The following STXBP6 variants were observed in gnomAD, a reference collection of about 807,000 sequenced individuals.
STXBP6 encodes the protein syntaxin-binding protein 6.
A neutral mutation model predicts 26.9 loss-of-function variants in STXBP6; 21 were observed. That is an observed-to-expected ratio of 0.78 (90% CI 0.55 to 1.12). STXBP6 has a LOEUF of 1.12. Ranked by LOEUF, STXBP6 falls within the 50% of genes most tolerant of loss-of-function variation. The probability of loss-of-function intolerance (pLI) is 0.00; values close to 1 mark genes in which losing one functional copy is unlikely to be tolerated. For synonymous variants in STXBP6, 97 were observed against 92.6 expected, an observed-to-expected ratio of 1.05 and a Z score of -0.27; for missense variants, 232 against 257.9, an observed-to-expected ratio of 0.90 and a Z score of 0.69.
intron 1 of STXBP6, among the ~76,000 whole-genome samples, chr14:24,996,780 G>A (rs1039467985): frequency 2.0e-5 from 3 of 149,546 alleles, no homozygotes; most frequent in Admixed American, 6.7e-5. Flanking sequence ...GCTTGAACCC[G>A]GGAGACAGAG....
At chr14:25,032,896 G>T (rs1027316612) in intron 1 of STXBP6, among the ~76,000 whole-genome samples, 1 of 152,146 alleles carries the variant, frequency 6.6e-6, no homozygotes, top group Non-Finnish European at 1.5e-5. Flanking sequence ...AAAATTGCAG[G>T]CACATCTCTA....
At chr14:24,878,140 G>T (rs2070215840) in intron 2 of STXBP6, among the ~76,000 whole-genome samples, 1 of 152,022 alleles carries the variant, frequency 6.6e-6, no homozygotes, top group African/African-American at 2.4e-5. Flanking sequence ...TGTGATTTGA[G>T]TATTCTCCCA....
intron 1 of STXBP6, among the ~76,000 whole-genome samples, chr14:24,997,681 G>A (rs1367177194): frequency 6.6e-6 from 1 of 152,124 alleles, no homozygotes; most frequent in African/African-American, 2.4e-5. Flanking sequence ...ATACAAAAAT[G>A]CACAAAGTAG....
chr14:24,887,200 T>C (rs995046998), intron 2 of STXBP6, among the ~76,000 whole-genome samples: 2 of 152,222 alleles, frequency 1.3e-5, no homozygotes, highest in African/African-American at 4.8e-5. Context: ...TTTATTTCAT[T>C]ATGACTTTTA....
At chr14:24,897,409 CAAAAAAA>C (rs34542483) in intron 2 of STXBP6, among the ~76,000 whole-genome samples, 6 of 37,634 alleles carry the variant, frequency 1.6e-4, no homozygotes, top group East Asian at 8.8e-4. Flanking sequence ...GACTCTGTCT[CAAAAAAA>C]AAAAAAAAAA....
At chr14:24,933,820 C>T (rs937135176) in intron 2 of STXBP6, among the ~76,000 whole-genome samples, 6 of 151,944 alleles carry the variant, frequency 3.9e-5, no homozygotes, top group African/African-American at 9.7e-5. Context: ...GCTTTTTTAA[C>T]GTAATTATTA....
Position 24,974,626 on chromosome 14 carries a change from G to T in STXBP6, c.154+39C>A, listed in dbSNP as rs181927397. The stretch of plus-strand genomic sequence containing the variant: ...CCTCAGAATGAACTGTTTTAAAATG[G>T]AAGTTATTTTAATAATATTAATATC... On this transcript the variant is annotated intron_variant, in intron 2 of 5. Transcript: ENST00000323944. The T allele has an allele frequency of 7.5e-4, 1,128 of 1,497,610 alleles. 7 individuals are homozygous for T. The African/African-American group carries it at 0.012, about 16-fold the overall frequency. The allele number at this position is 1,497,610 out of a possible 1,614,324, so 92.8% of individuals were successfully genotyped here.
At position 24,815,226 on chromosome 14, in the gene STXBP6, C is replaced by T. The variant is rs190212105; in HGVS notation, c.610-2494G>A. On this transcript the variant is annotated intron_variant, in intron 5 of 5. Coordinates refer to ENST00000323944, the MANE Select transcript of STXBP6 (RefSeq NM_001394410.1). ...CTTATGTCTATAAAAAAGTCTCCAA[C>T]GCTAAATGCCAATGGATAAATTTAG... Among the ~76,000 whole-genome samples, 16 of 152,162 alleles carry T rather than the reference C, an allele frequency of 1.1e-4. No homozygotes were observed. The South Asian group carries it at 1.2e-3, about 12-fold the overall frequency.
intron 4 of STXBP6, among the ~76,000 whole-genome samples, chr14:24,839,642 T>C (rs961233776): frequency 6.6e-6 from 1 of 152,202 alleles, no homozygotes; most frequent in Non-Finnish European, 1.5e-5. Flanking sequence ...AGAAAAGTAC[T>C]AATAGCTAAT....
intron 2 of STXBP6, among the ~76,000 whole-genome samples, chr14:24,897,683 G>T (rs1176831078): frequency 6.6e-6 from 1 of 152,150 alleles, no homozygotes; most frequent in Non-Finnish European, 1.5e-5. Context: ...TTCGATGAGG[G>T]ATTATGGATC....
chr14:24,929,934 C>T (rs866281603), intron 2 of STXBP6, among the ~76,000 whole-genome samples: 2 of 152,192 alleles, frequency 1.3e-5, no homozygotes, highest in South Asian at 2.1e-4. Context: ...TATGTAGCCT[C>T]CCCATCACAA....
At chr14:24,980,977 T>C (rs1459559977) in intron 1 of STXBP6, among the ~76,000 whole-genome samples, 1 of 152,190 alleles carries the variant, frequency 6.6e-6, no homozygotes, top group Admixed American at 6.5e-5. Context: ...CAACTTGTTT[T>C]CTGAATGACT....
intron 2 of STXBP6, among the ~76,000 whole-genome samples, chr14:24,923,284 A>T (rs2072045792): frequency 6.6e-6 from 1 of 152,168 alleles, no homozygotes; most frequent in Non-Finnish European, 1.5e-5. Context: ...TTTGTTCATT[A>T]AGTTTGTGGG....
At chr14:25,035,871 A>G (rs574616745) in intron 1 of STXBP6, among the ~76,000 whole-genome samples, 62 of 152,232 alleles carry the variant, frequency 4.1e-4, no homozygotes, top group Non-Finnish European at 8.2e-4. Flanking sequence ...GCATTCTTCT[A>G]TGTAGTCGCA....
intron 4 of STXBP6, among the ~76,000 whole-genome samples, chr14:24,835,759 T>C (rs970375432): frequency 6.6e-6 from 1 of 152,202 alleles, no homozygotes; most frequent in African/African-American, 2.4e-5. Flanking sequence ...AATATAAATA[T>C]CCTATTTTCT....
At chr14:24,989,856 T>C (rs1311083826) in intron 1 of STXBP6, among the ~76,000 whole-genome samples, 3 of 152,160 alleles carry the variant, frequency 2.0e-5, no homozygotes, top group African/African-American at 7.2e-5. Context: ...TGCCCTTTCT[T>C]ACATGAGTAT....
At chr14:24,894,768 T>C (rs1165118178) in intron 2 of STXBP6, among the ~76,000 whole-genome samples, 2 of 152,222 alleles carry the variant, frequency 1.3e-5, no homozygotes, top group African/African-American at 4.8e-5. Flanking sequence ...TCTTGCATTG[T>C]GTACAAAGTG....
At chr14:24,853,098 A>C (rs963467834) in intron 4 of STXBP6, among the ~76,000 whole-genome samples, 5 of 152,118 alleles carry the variant, frequency 3.3e-5, no homozygotes, top group Admixed American at 6.6e-5. Flanking sequence ...TAAAATCATA[A>C]AACTATCCTA....
At chr14:24,982,158 T>C (rs1471494483) in intron 1 of STXBP6, among the ~76,000 whole-genome samples, 3 of 152,196 alleles carry the variant, frequency 2.0e-5, no homozygotes, top group Non-Finnish European at 4.4e-5. Flanking sequence ...TTAAGGCACA[T>C]TCTTTCCACC....
Sources: allele counts gnomAD v4.1 joint callset (sites outside exome capture counted in the v4.1 genomes callset), GRCh38; gene constraint gnomAD v4.1.1; transcripts MANE v1.5; gene names NCBI Gene and HGNC (gene_info 2026-07-23, HGNC 2026-07-21).